FGFR3: variants seen among roughly 807,000 people sequenced by gnomAD.
The protein encoded by FGFR3 is fibroblast growth factor receptor 3.
Under a neutral mutation model 82.9 loss-of-function variants are expected in FGFR3, and 25 were observed. That is an observed-to-expected ratio of 0.30 (90% CI 0.22 to 0.42). FGFR3 has a LOEUF of 0.42. Ranked by LOEUF, FGFR3 falls within the 10% of genes least tolerant of loss-of-function variation. The pLI is 1.00. For missense variants in FGFR3, 1,026 were observed against 1,161.0 expected, an observed-to-expected ratio of 0.88 and a Z score of 1.69; for synonymous variants, 620 against 516.0, an observed-to-expected ratio of 1.20 and a Z score of -2.73.
At chr4:1,796,256 C>T (rs1169462738) in intron 2 of FGFR3, among the ~76,000 whole-genome samples, 1 of 152,124 alleles carries the variant, frequency 6.6e-6, no homozygotes, top group Non-Finnish European at 1.5e-5. Context: ...TCCAAGAGAA[C>T]CGATAATGGC....
At chr4:1,796,175 G>T (rs909930181) in intron 2 of FGFR3, among the ~76,000 whole-genome samples, 4 of 152,154 alleles carry the variant, frequency 2.6e-5, no homozygotes, top group Non-Finnish European at 5.9e-5. Context: ...GGTGGGGTAG[G>T]GGTCAGCCTG....
At chr4:1,798,604 C>A (rs1413177301) in intron 2 of FGFR3, among the ~76,000 whole-genome samples, 1 of 151,968 alleles carries the variant, frequency 6.6e-6, no homozygotes, top group African/African-American at 2.4e-5. Flanking sequence ...CATCGCCCCC[C>A]AGACCGTCCA....
intron 7 of FGFR3, chr4:1,802,939 C>A (rs752936320): frequency 6.2e-7 from 1 of 1,602,550 alleles, no homozygotes; most frequent in Non-Finnish European, 8.5e-7. Flanking sequence ...AGTGTGGAGG[C>A]CGACGTGCGC....
Position 1,801,884 on chromosome 4 carries a change from G to C in FGFR3, c.789G>C (p.Gln263His), listed in dbSNP as rs2108783736. Residue 263 changes from glutamine (Q) to histidine (H), a missense_variant, in exon 7 of 18, where the codon CAG (glutamine) becomes CAC (histidine). Physicochemically the swap from Gln to His is conservative, Grantham distance 24. Transcript: ENST00000440486. Reference sequence around the variant, plus strand: ...TGCAGGCGGGGCTGCCGGCCAACCAGACGGCGGTGCTGGGCAGCGACGTGG... The same window carrying C: ...TGCAGGCGGGGCTGCCGGCCAACCACACGGCGGTGCTGGGCAGCGACGTGG... ...PILQAGLPAN[Q>H]TAVLGSDVEF... 1 of 1,610,508 alleles carries C rather than the reference G, an allele frequency of 6.2e-7. No homozygotes were observed. The highest frequency in any genetic ancestry group is 1.1e-5 in the South Asian group (1 of 91,026).
intron 2 of FGFR3, 117 bp downstream of exon 2, chr4:1,794,160 G>C (rs2108752896): frequency 4.1e-6 from 2 of 489,914 alleles, no homozygotes. Flanking sequence ...CCCGGGGTTA[G>C]AGCCCGGATT....
intron 4 of FGFR3, 44 bp downstream of exon 4, chr4:1,799,856 G>A (rs770941521): frequency 4.8e-5 from 76 of 1,598,536 alleles, no homozygotes; most frequent in South Asian, 7.8e-5. Context: ...GGTGGGGCCC[G>A]CTGCCACCGC....
intron 7 of FGFR3, among the ~76,000 whole-genome samples, chr4:1,802,346 CA>C (rs1462225120): frequency 6.6e-5 from 10 of 152,186 alleles, no homozygotes; most frequent in Non-Finnish European, 1.0e-4. Flanking sequence ...GCAGTGTGGC[CA>C]AGCCCTCCAG....
Position 1,805,817 on chromosome 4 carries a change from G to C in FGFR3, c.1713G>C (p.Arg571=). 2 of 1,612,352 alleles carry C rather than the reference G, an allele frequency of 1.2e-6. No individual in the cohort carries two copies. Among genetic ancestry groups the C allele is most frequent in the South Asian group, 2.2e-5 (2 of 91,046 alleles). Residue 571 remains arginine (R), a synonymous_variant, in exon 13 of 18, where the codon CGG becomes CGC. Coordinates refer to ENST00000440486, the MANE Select transcript of FGFR3 (RefSeq NM_000142.5). ...GNLREFLRAR[R]PPGLDYSFDT... ...TGCGGGAGTTTCTGCGGGCGCGGCG[G>C]CCCCCGGGCCTGGACTACTCCTTCG...
chr4:1,799,271 C>A lies in FGFR3; in HGVS notation c.127C>A (p.Pro43Thr), dbSNP rs773786734. ...GRAAEVPGPE[P>T]GQQEQLVFGS... ...CCCCACAGAAGTCCCGGGCCCAGAG[C>A]CCGGCCAGCAGGAGCAGTTGGTCTT... The change falls in exon 3 of 18, where the codon CCC becomes ACC. Residue 43 changes from proline (P) to threonine (T), a missense_variant. Around this residue, in one of 9 missense-constraint regions of FGFR3, gnomAD observed 226 missense variants for 222.0 expected, o/e 1.02. Transcript: ENST00000440486. The A allele has an allele frequency of 1.2e-6, 2 of 1,612,486 alleles. No individual in the cohort carries two copies. The highest frequency in any genetic ancestry group is 1.7e-6 in the Non-Finnish European group (2 of 1,179,986).
At position 1,794,741 on chromosome 4, in the gene FGFR3, G is replaced by A. The variant is rs1345330855; in HGVS notation, c.109+698G>A. ...GGGGAGGGGAAGGGGCGCCCGGCCGGACCTGCACACGCGCCGCGGTTCCTC... is the reference window on the plus strand; with the variant it reads ...GGGGAGGGGAAGGGGCGCCCGGCCGAACCTGCACACGCGCCGCGGTTCCTC... On this transcript the variant is annotated intron_variant, in intron 2 of 17. Coordinates refer to ENST00000440486, the MANE Select transcript of FGFR3 (RefSeq NM_000142.5). 3.3e-5 allele frequency among the ~76,000 whole-genome samples: 5 copies of A among 152,144 alleles called. No homozygotes were observed. In the East Asian group the frequency reaches 9.7e-4, roughly 30 times the overall value.
intron 9 of FGFR3, 42 bp downstream of exon 9, chr4:1,804,562 C>T: frequency 6.2e-7 from 1 of 1,606,898 alleles, no homozygotes; most frequent in Non-Finnish European, 8.5e-7. Flanking sequence ...GCCTGCCCGC[C>T]AGGCCTCCTG....
rs78260022 is a variant in FGFR3, at chr4:1,807,396, T to C, written c.*134T>C. The C allele has an allele frequency of 2.1e-5, 23 of 1,087,128 alleles. No homozygotes were observed. The highest frequency in any genetic ancestry group is 1.2e-4 in the African/African-American group (4 of 33,194). The allele number at this position is 1,087,128 out of a possible 1,614,324, so 67.3% of individuals were successfully genotyped here. A position where few individuals can be genotyped will look rare whatever the true frequency, so the allele number is the denominator to read the frequency against. On this transcript the variant is annotated 3_prime_UTR_variant, in exon 18 of 18. Transcript: ENST00000440486. Reference sequence around the variant, plus strand: ...CAGAGCTTTGGTCTGTGTGTGTGTGTGTGCGTGTGTGTGTGTGTGTGTGCA... The same window carrying C: ...CAGAGCTTTGGTCTGTGTGTGTGTGCGTGCGTGTGTGTGTGTGTGTGTGCA...
chr4:1,804,314 G>T lies in FGFR3; in HGVS notation c.1076-16G>T. 1 of 1,587,234 alleles carries T rather than the reference G, an allele frequency of 6.3e-7. No homozygotes were observed. ...GGGGGGGGCCAGGCCAGGCCTCAAC[G>T]CCCATGTCTTTGCAGCCGAGGAGGA... is the stretch of plus-strand genomic sequence containing the variant. On this transcript the variant is annotated splice_polypyrimidine_tract_variant and intron_variant, in intron 8 of 17. Transcript: ENST00000440486.
intron 8 of FGFR3, 118 bp from the exon 9 acceptor site, chr4:1,804,212 C>T: frequency 8.5e-7 from 1 of 1,173,100 alleles, no homozygotes; most frequent in South Asian, 1.5e-5. Flanking sequence ...AAGGCGCGTG[C>T]TGAGGTTCTG....
rs1458777242 is a variant in FGFR3 at position 1,806,261 on chromosome 4, G to A, written c.1964G>A (p.Arg655Gln). ...CGCCTTCCCACACCCTCCCAGGGCC[G>A]GCTGCCCGTGAAGTGGATGGCGCCT... The part of the protein sequence containing the change: ...LDYYKKTTNG[R>Q]LPVKWMAPEA... The change falls in exon 15 of 18, where the codon CGG becomes CAG. Residue 655 changes from arginine (R) to glutamine (Q), a missense_variant. Arg to Gln is a conservative substitution (Grantham distance 43, BLOSUM62 1). This residue lies in a region of FGFR3 where 45 missense variants were observed against 80.8 expected (regional missense o/e 0.56). Transcript: ENST00000440486. The A allele has an allele frequency of 6.2e-7, 1 of 1,612,920 alleles. No individual in the cohort carries two copies. The highest frequency in any genetic ancestry group is 8.5e-7 in the Non-Finnish European group (1 of 1,179,966).
intron 7 of FGFR3, 32 bp downstream of exon 7, chr4:1,802,057 C>T (rs2108785488): frequency 6.3e-7 from 1 of 1,593,430 alleles, no homozygotes; most frequent in Non-Finnish European, 8.5e-7. Flanking sequence ...GGTGCCGCCG[C>T]TGGGGCTCCT....
intron 2 of FGFR3, among the ~76,000 whole-genome samples, chr4:1,796,392 T>A (rs3135849): frequency 6.6e-6 from 1 of 152,152 alleles, no homozygotes; most frequent in African/African-American, 2.4e-5. Flanking sequence ...GCTGGACTTT[T>A]GGGGGCCCCC....
chr4:1,801,259 G>A (rs1560414204), intron 4 of FGFR3, 108 bp from the exon 5 acceptor site: 25 of 1,261,714 alleles, frequency 2.0e-5, no homozygotes, highest in African/African-American at 3.0e-5. Flanking sequence ...TACACAGGAC[G>A]GGAAACTGAG....
chr4:1,802,937 G>A, intron 7 of FGFR3: 1 of 1,603,178 alleles, frequency 6.2e-7, no homozygotes, highest in Non-Finnish European at 8.5e-7. Context: ...AGAGTGTGGA[G>A]GCCGACGTGC....
Sources: allele counts gnomAD v4.1 joint callset (sites outside exome capture counted in the v4.1 genomes callset), GRCh38; gene constraint gnomAD v4.1.1; regional missense constraint gnomAD v4.1.1; transcripts MANE v1.5; gene names NCBI Gene and HGNC (gene_info 2026-07-23, HGNC 2026-07-21).